TENM2: variants seen among roughly 807,000 people sequenced by gnomAD.
TENM2 encodes teneurin transmembrane protein 2, also known as teneurin-2.
In TENM2, 52 loss-of-function variants were observed where a neutral mutation model predicts 245.2. The ratio of observed to expected loss-of-function variants is 0.21; its 90% CI spans 0.17 to 0.27. TENM2 has a LOEUF of 0.27. TENM2 is among the 10% of genes least tolerant of loss of function. The pLI, the probability that TENM2 is intolerant of heterozygous loss-of-function variation, is 1.00. For synonymous variants in TENM2, 1,363 were observed against 1,438.9 expected (o/e 0.95, Z 1.19); for missense variants, 3,046 against 3,666.8 (o/e 0.83, Z 4.37).
At chr5:167,861,231 A>G (rs1771773774) in intron 2 of TENM2, among the ~76,000 whole-genome samples, 1 of 152,060 alleles carries the variant, frequency 6.6e-6, no homozygotes, top group African/African-American at 2.4e-5. Flanking sequence ...AATGTCCTCA[A>G]GAAGGTGGGC....
the TENM2 span, among the ~76,000 whole-genome samples, chr5:167,182,716 A>C: frequency 3.3e-5 from 5 of 152,064 alleles, no homozygotes; most frequent in African/African-American, 4.8e-5. Flanking sequence ...ACGTGTGCCT[A>C]CAATTTCTTA....
chr5:167,840,000 T>C (rs1769356195), intron 2 of TENM2, among the ~76,000 whole-genome samples: 1 of 152,184 alleles, frequency 6.6e-6, no homozygotes, highest in Non-Finnish European at 1.5e-5. Flanking sequence ...TTTGTATTTT[T>C]AGTAGAGACG....
chr5:167,662,813 C>T (rs2150327191), intron 2 of TENM2, among the ~76,000 whole-genome samples: 1 of 152,282 alleles, frequency 6.6e-6, no homozygotes, highest in African/African-American at 2.4e-5. Flanking sequence ...ATCAGCATCA[C>T]CTGAGAGCTT....
rs77197105 is a variant in TENM2, at chr5:167,929,838, G to A, written c.713-22750G>A. Among the ~76,000 whole-genome samples the A allele has an allele frequency of 9.6e-3, 1,459 of 152,280 alleles. 9 individuals are homozygous for A. The highest frequency in any genetic ancestry group is 0.017 in the Non-Finnish European group (1,142 of 68,018). ...ATAGAGACTGACAAAATTGGTAGGG[G>A]AAGAGTTAGGAAATTTTTCCTTATG... On this transcript the variant is annotated intron_variant, in intron 3 of 28. Coordinates refer to ENST00000518659, the Ensembl canonical transcript of TENM2.
At chr5:167,056,266 C>T in the TENM2 span, among the ~76,000 whole-genome samples, 1 of 151,578 alleles carries the variant, frequency 6.6e-6, no homozygotes, top group African/African-American at 2.4e-5. Flanking sequence ...CAAATTCCCT[C>T]CAATTTTGTT....
Position 167,844,886 on chromosome 5 carries a change from C to T in TENM2, c.503-31100C>T, listed in dbSNP as rs1005850555. The stretch of plus-strand genomic sequence containing the variant: ...AATCCTTCGTAGACTTTTCTATCTT[C>T]GCCCCTTCAGTATTTCTATCTTTCT... On this transcript the variant is annotated intron_variant, in intron 2 of 28. Coordinates refer to ENST00000518659, the Ensembl canonical transcript of TENM2. Among the ~76,000 whole-genome samples the T allele has an allele frequency of 5.4e-5, 8 of 149,480 alleles. No individual in the cohort carries two copies. In the East Asian group the frequency reaches 9.8e-4, roughly 18 times the overall value.
intron 2 of TENM2, among the ~76,000 whole-genome samples, chr5:167,456,468 A>G (rs1022111390): frequency 2.5e-4 from 38 of 152,312 alleles, no homozygotes; most frequent in Non-Finnish European, 1.2e-4. Context: ...TCTTGTTGCT[A>G]TGAATACACA....
At chr5:167,956,467 T>G (rs534289465) in intron 4 of TENM2, among the ~76,000 whole-genome samples, 1 of 152,292 alleles carries the variant, frequency 6.6e-6, no homozygotes, top group East Asian at 1.9e-4. Context: ...CTTTATTTCT[T>G]TCTCTTGCCT....
chr5:167,013,332 CCAT>C, the TENM2 span, among the ~76,000 whole-genome samples: 1 of 152,122 alleles, frequency 6.6e-6, no homozygotes, highest in African/African-American at 2.4e-5. Context: ...CTGTAGCACC[CCAT>C]GTCAAAAGAT....
chr5:167,033,341 A>C, the TENM2 span, among the ~76,000 whole-genome samples: 1 of 152,316 alleles, frequency 6.6e-6, no homozygotes, highest in East Asian at 1.9e-4. Context: ...ATATTCTTCT[A>C]CTTGATTTAT....
At chr5:168,105,803 A>G (rs1794196041) in intron 9 of TENM2, among the ~76,000 whole-genome samples, 1 of 152,100 alleles carries the variant, frequency 6.6e-6, no homozygotes, top group South Asian at 2.1e-4. Context: ...TGTTTATTCT[A>G]CGGTTTTTTG....
intron 12 of TENM2, among the ~76,000 whole-genome samples, chr5:168,145,595 A>T (rs1755987719): frequency 6.6e-6 from 1 of 151,610 alleles, no homozygotes; most frequent in Non-Finnish European, 1.5e-5. Context: ...CTTGTAGTAT[A>T]GTTTGAAGTC....
rs969365415 is a variant in TENM2, at chr5:168,022,104, T to C, written c.1187-25323T>C. Among the ~76,000 whole-genome samples, 4 of 152,262 alleles carry C rather than the reference T, an allele frequency of 2.6e-5. No individual in the cohort carries two copies. In the East Asian group the frequency reaches 7.7e-4, roughly 29 times the overall value. Reference sequence around the variant, plus strand: ...AATCAATATTGTACTCCTGGTGGTATAAATAAAGATGACCTTTGTTTATTC... The same window carrying C: ...AATCAATATTGTACTCCTGGTGGTACAAATAAAGATGACCTTTGTTTATTC... On this transcript the variant is annotated intron_variant, in intron 5 of 28. Coordinates refer to ENST00000518659, the Ensembl canonical transcript of TENM2.
At chr5:167,002,873 G>A in the TENM2 span, among the ~76,000 whole-genome samples, 1 of 151,958 alleles carries the variant, frequency 6.6e-6, no homozygotes, top group Admixed American at 6.6e-5. Context: ...TACTCAAGAG[G>A]TCATTTTGCA....
chr5:168,115,126 T>C (rs1794953404), intron 9 of TENM2, among the ~76,000 whole-genome samples: 1 of 152,002 alleles, frequency 6.6e-6, no homozygotes, highest in Non-Finnish European at 1.5e-5. Context: ...AAATCCCATC[T>C]CTACTAAAAA....
At chr5:167,610,599 T>C (rs1283799523) in intron 2 of TENM2, among the ~76,000 whole-genome samples, 3 of 152,216 alleles carry the variant, frequency 2.0e-5, no homozygotes, top group African/African-American at 7.2e-5. Flanking sequence ...TCTTATATCA[T>C]ATCACAGGCT....
rs554237782 is a variant in TENM2, at chr5:167,676,627, T to C, written c.503-199359T>C. ...GGGTTTCATTCACAGAAAGAAGACT[T>C]CCTGGAGAAAGAGTGTGTGTGTCTG... On this transcript the variant is annotated intron_variant, in intron 2 of 28. Transcript: ENST00000518659. Among the ~76,000 whole-genome samples, 5 of 152,220 alleles carry C rather than the reference T, an allele frequency of 3.3e-5. No individual in the cohort carries two copies. In the East Asian group the frequency reaches 9.6e-4, roughly 29 times the overall value.
chr5:167,145,939 C>CATT, the TENM2 span, among the ~76,000 whole-genome samples: 1 of 152,088 alleles, frequency 6.6e-6, no homozygotes, highest in African/African-American at 2.4e-5. Flanking sequence ...TTATTGCTCT[C>CATT]ATTATTATTA....
the TENM2 span, among the ~76,000 whole-genome samples, chr5:167,045,933 G>A: frequency 2.6e-5 from 4 of 152,210 alleles, no homozygotes; most frequent in South Asian, 4.1e-4. Context: ...AGAGGGAAGC[G>A]TGGAAAGAGT....
Sources: gnomAD v4.1 joint callset for allele counts (sites outside exome capture counted in the v4.1 genomes callset) on GRCh38, gnomAD v4.1.1 for gene constraint, MANE v1.5 for transcripts, NCBI Gene and HGNC (gene_info 2026-07-23, HGNC 2026-07-21) for gene names.